Variants in ST8SIA1 observed in about 807,000 individuals in gnomAD.
ST8SIA1 encodes ST8 alpha-N-acetyl-neuraminide alpha-2,8-sialyltransferase 1, also known as alpha-N-acetylneuraminide alpha-2,8-sialyltransferase.
In ST8SIA1, 16 loss-of-function variants were observed where a neutral mutation model predicts 35.9. The observed-to-expected ratio is 0.45, with a 90% CI of 0.30 to 0.68. The LOEUF (loss-of-function observed/expected upper bound fraction) is 0.68. ST8SIA1 is among the 30% of genes least tolerant of loss of function. ST8SIA1 has a pLI of 0.09. For synonymous variants in ST8SIA1, 170 were observed against 169.6 expected (o/e 1.00, Z -0.02); for missense variants, 383 against 453.6 (o/e 0.84, Z 1.41).
At chr12:22,301,511 C>T (rs1217810656) in intron 1 of ST8SIA1, among the ~76,000 whole-genome samples, 2 of 152,056 alleles carry the variant, frequency 1.3e-5, no homozygotes, top group Admixed American at 1.3e-4. Context: ...TTTCTCTCCA[C>T]CTGATTTCTC....
intron 1 of ST8SIA1, among the ~76,000 whole-genome samples, chr12:22,297,909 G>T (rs898853385): frequency 6.6e-6 from 1 of 152,182 alleles, no homozygotes; most frequent in Admixed American, 6.5e-5. Flanking sequence ...GGCCAAAGCG[G>T]GATTACAGGA....
chr12:22,265,342 C>A (rs1361244045), intron 2 of ST8SIA1, among the ~76,000 whole-genome samples: 1 of 152,220 alleles, frequency 6.6e-6, no homozygotes, highest in African/African-American at 2.4e-5. Flanking sequence ...AAGCTTCATG[C>A]CATTGCTAGA....
chr12:22,202,515 A>G (rs566121981), intron 4 of ST8SIA1, among the ~76,000 whole-genome samples: 3 of 152,328 alleles, frequency 2.0e-5, no homozygotes, highest in African/African-American at 2.4e-5. Context: ...AGATTCATCA[A>G]TGCTACAACT....
At chr12:22,233,119 G>A (rs541751023) in intron 4 of ST8SIA1, among the ~76,000 whole-genome samples, 49 of 152,288 alleles carry the variant, frequency 3.2e-4, no homozygotes, top group Non-Finnish European at 5.4e-4. Flanking sequence ...ATCACTAGGC[G>A]TATCACTGTG....
intron 1 of ST8SIA1, among the ~76,000 whole-genome samples, chr12:22,296,532 TTGATTCCCCTC>T (rs1866246346): frequency 6.6e-6 from 1 of 152,210 alleles, no homozygotes; most frequent in South Asian, 2.1e-4. Flanking sequence ...CTCTTCAATT[TTGATTCCCCTC>T]ATAATCATTT....
In ST8SIA1 at chr12:22,205,719, ACCAG is replaced by A. The variant is rs529364693; in HGVS notation, c.585-3685_585-3682del. Reference sequence around the variant, plus strand: ...GATCACTTGAGGCCAGGAGTTCGAGACCAGCCTGGGCAACCATCTCAATAAATAA... The same window carrying A: ...GATCACTTGAGGCCAGGAGTTCGAGACCTGGGCAACCATCTCAATAAATAA... On this transcript the variant is annotated intron_variant, in intron 4 of 4. Transcript: ENST00000396037. Among the ~76,000 whole-genome samples, 32 of 152,214 alleles carry A rather than the reference ACCAG, an allele frequency of 2.1e-4. No individual in the cohort carries two copies. The South Asian group carries it at 6.2e-3, about 30-fold the overall frequency.
At position 22,334,077 on chromosome 12, in the gene ST8SIA1, G is replaced by T. The variant is rs773285051; in HGVS notation, c.156C>A (p.Pro52=). The change falls in exon 1 of 5, where the codon CCC becomes CCA. Residue 52 remains proline, a synonymous_variant. Coordinates refer to ENST00000396037, the MANE Select transcript of ST8SIA1 (RefSeq NM_003034.4). ...CCCCCTGCACGATCTCTTTCTCGTT[G>T]GGCAGCCGGTAGACGGGGAAGATGT... The part of the protein sequence containing the change: ...WLYIFPVYRL[P]NEKEIVQGVL... The T allele has an allele frequency of 2.9e-5, 47 of 1,614,016 alleles. No individual in the cohort carries two copies. Among genetic ancestry groups the T allele is most frequent in the Non-Finnish European group, 3.9e-5 (46 of 1,180,026 alleles).
intron 1 of ST8SIA1, chr12:22,333,773 C>T: frequency 2.7e-6 from 2 of 742,712 alleles, no homozygotes; most frequent in Non-Finnish European, 4.9e-6. Flanking sequence ...TCTTTACATG[C>T]GCAAAGCAGG....
At position 22,334,406 on chromosome 12, in the gene ST8SIA1, T is replaced by G; in HGVS notation, c.-174A>C. ...TCGGCCCCAAAGGTCAGCGCAAGGA[T>G]TTTTTCAAATGCAACTTTTCCAAGG... On this transcript the variant is annotated 5_prime_UTR_variant, in exon 1 of 5. Transcript: ENST00000396037. The G allele has an allele frequency of 1.7e-6, 1 of 602,462 alleles. No homozygotes were observed. The highest frequency in any genetic ancestry group is 2.8e-5 in the East Asian group (1 of 36,072). 37.3% of individuals were successfully genotyped at this position (602,462 alleles called of 1,614,324 possible).
intron 4 of ST8SIA1, among the ~76,000 whole-genome samples, chr12:22,208,135 C>CAAA (rs71053390): frequency 0.13 from 12,843 of 97,498 alleles, 797 homozygotes; most frequent in Middle Eastern, 0.23. Flanking sequence ...GTCTGTCTCA[C>CAAA]AAAAAAAAAA....
At chr12:22,248,843 T>A in intron 4 of ST8SIA1, 163 bp downstream of exon 4, 2 of 564,844 alleles carry the variant, frequency 3.5e-6, no homozygotes, top group Non-Finnish European at 6.3e-6. Context: ...TGGATTCCCA[T>A]AATCCTGTTT....
Position 22,276,340 on chromosome 12 carries a change from G to A in ST8SIA1, c.381+10809C>T, listed in dbSNP as rs1322219894. 5.3e-5 allele frequency among the ~76,000 whole-genome samples: 8 copies of A among 152,146 alleles called. No homozygotes were observed. In the East Asian group the frequency reaches 7.7e-4, roughly 15 times the overall value. On this transcript the variant is annotated intron_variant, in intron 2 of 4. Coordinates refer to ENST00000396037, the MANE Select transcript of ST8SIA1 (RefSeq NM_003034.4). ...ATGTAACTAACTGTGTGAACACTCG[G>A]GATTTTTCTCCTCTGTCCCGAGGTT...
rs1263026356 is a variant in ST8SIA1 at position 22,230,720 on chromosome 12, A to T, written c.584+18286T>A. ...TATGTTTATCAAATGACTCACTATC[A>T]TCTTGAATAGAGTAGAGACTAGACA... On this transcript the variant is annotated intron_variant, in intron 4 of 4. Coordinates refer to ENST00000396037, the MANE Select transcript of ST8SIA1 (RefSeq NM_003034.4). Among the ~76,000 whole-genome samples the T allele has an allele frequency of 3.9e-5, 6 of 152,304 alleles. No individual in the cohort carries two copies. The East Asian group carries it at 1.2e-3, about 29-fold the overall frequency.
intron 2 of ST8SIA1, among the ~76,000 whole-genome samples, chr12:22,264,859 T>C (rs1244966951): frequency 6.6e-6 from 1 of 152,210 alleles, no homozygotes; most frequent in Non-Finnish European, 1.5e-5. Context: ...TTTAAAAGGA[T>C]AGCTTCAGTG....
intron 2 of ST8SIA1, among the ~76,000 whole-genome samples, chr12:22,272,595 A>T (rs2098411): frequency 5.9e-5 from 9 of 152,398 alleles, no homozygotes; most frequent in African/African-American, 1.7e-4. Context: ...TTGAAAACTA[A>T]CAGGGAGACA....
At chr12:22,218,351 C>T (rs947079186) in intron 4 of ST8SIA1, among the ~76,000 whole-genome samples, 1 of 147,286 alleles carries the variant, frequency 6.8e-6, no homozygotes, top group African/African-American at 2.5e-5. Flanking sequence ...GGCACAGTGG[C>T]TCATGCCTGT....
intron 1 of ST8SIA1, among the ~76,000 whole-genome samples, chr12:22,320,999 G>T (rs202098717): frequency 2.6e-4 from 24 of 93,676 alleles, no homozygotes; most frequent in African/African-American, 9.2e-4. Flanking sequence ...AAGAAAGAAA[G>T]AAAGAAGAAA....
intron 1 of ST8SIA1, chr12:22,324,433 A>G (rs1480547354): frequency 6.6e-6 from 1 of 152,214 alleles, no homozygotes; most frequent in Non-Finnish European, 1.5e-5. Flanking sequence ...TAAATATCCA[A>G]TAACAGTATA....
chr12:22,286,170 TA>T (rs1866099143), intron 2 of ST8SIA1, among the ~76,000 whole-genome samples: 1 of 152,212 alleles, frequency 6.6e-6, no homozygotes, highest in Admixed American at 6.5e-5. Flanking sequence ...TTCTACTTCT[TA>T]TTTCAAAAAT....
Sources: gnomAD v4.1 joint callset for allele counts (sites outside exome capture counted in the v4.1 genomes callset) on GRCh38, gnomAD v4.1.1 for gene constraint, MANE v1.5 for transcripts, NCBI Gene and HGNC (gene_info 2026-07-23, HGNC 2026-07-21) for gene names.